The following RBFOX1 variants were observed in gnomAD, a reference collection of about 807,000 sequenced individuals.
RBFOX1 encodes the protein RNA binding protein fox-1 homolog 1.
A neutral mutation model predicts 57.7 loss-of-function variants in RBFOX1; 8 were observed. That is an observed-to-expected ratio of 0.14 (90% CI 0.08 to 0.25). The LOEUF (loss-of-function observed/expected upper bound fraction) is 0.25, where lower values mean the gene tolerates loss of function less well. Among genes scored for constraint, RBFOX1 ranks in the 10% least tolerant of loss-of-function variants. The probability of loss-of-function intolerance (pLI) is 1.00; values close to 1 mark genes in which losing one functional copy is unlikely to be tolerated. For synonymous variants in RBFOX1, 326 were observed against 222.4 expected (o/e 1.47, Z -4.15); for missense variants, 611 against 548.5 (o/e 1.11, Z -1.14).
At chr16:7,392,010 C>G (rs757371049) in intron 4 of RBFOX1, among the ~76,000 whole-genome samples, 22 of 152,234 alleles carry the variant, frequency 1.4e-4, no homozygotes, top group Non-Finnish European at 2.6e-4. Flanking sequence ...TCCTTCCCCT[C>G]CTGCCTTTTG....
rs56225521 is a variant in RBFOX1 at position 5,536,099 on chromosome 16, C to CCA, written c.259-62802_259-62801insAC. On this transcript the variant is annotated intron_variant, in intron 2 of 2. Transcript: ENST00000585867. ...GAGAAGTCCCCAAGTCATCAAGCCC[C>CCA]CCCCCCCTTTTTTTTCTTTTTTATT... 1.2e-4 allele frequency among the ~76,000 whole-genome samples: 17 copies of CCA among 146,870 alleles called. 1 individual carries two copies. The highest frequency in any genetic ancestry group is 1.0e-3 in the East Asian group (5 of 4,968).
intron 2 of RBFOX1, among the ~76,000 whole-genome samples, chr16:6,420,829 T>C (rs1482586237): frequency 6.6e-6 from 1 of 152,186 alleles, no homozygotes; most frequent in Non-Finnish European, 1.5e-5. Flanking sequence ...TATTTGGCAC[T>C]CTCTGAGTGC....
intron 3 of RBFOX1, among the ~76,000 whole-genome samples, chr16:5,729,244 G>C (rs1597000261): frequency 6.6e-6 from 1 of 152,286 alleles, no homozygotes; most frequent in East Asian, 1.9e-4. Flanking sequence ...TGAACATGGA[G>C]ATGCTTCATA....
chr16:6,387,238 C>G (rs2092341630), intron 2 of RBFOX1, among the ~76,000 whole-genome samples: 1 of 152,158 alleles, frequency 6.6e-6, no homozygotes, highest in Admixed American at 6.5e-5. Context: ...TCACATCACT[C>G]ACCTCCTGTA....
intron 3 of RBFOX1, among the ~76,000 whole-genome samples, chr16:6,997,683 A>T (rs2092385734): frequency 6.6e-6 from 1 of 152,180 alleles, no homozygotes; most frequent in Non-Finnish European, 1.5e-5. Flanking sequence ...CTTGAAACTG[A>T]ACAGAAGAAA....
At chr16:6,872,316 C>G (rs2061065935) in intron 3 of RBFOX1, among the ~76,000 whole-genome samples, 1 of 152,094 alleles carries the variant, frequency 6.6e-6, no homozygotes, top group African/African-American at 2.4e-5. Flanking sequence ...CAGTCTGTCT[C>G]CCTCTCTTCC....
chr16:7,160,996 T>C (rs2078213496), intron 4 of RBFOX1, among the ~76,000 whole-genome samples: 1 of 152,226 alleles, frequency 6.6e-6, no homozygotes, highest in African/African-American at 2.4e-5. Flanking sequence ...GCTAACCCTT[T>C]ATTTTCTCTT....
intron 3 of RBFOX1, among the ~76,000 whole-genome samples, chr16:6,808,207 T>C (rs1196059867): frequency 6.6e-6 from 1 of 150,964 alleles, no homozygotes; most frequent in South Asian, 2.1e-4. Flanking sequence ...TATAGTTCTA[T>C]TGAAGTATGC....
chr16:6,914,574 A>C (rs1488727453), intron 3 of RBFOX1, among the ~76,000 whole-genome samples: 5 of 149,394 alleles, frequency 3.3e-5, no homozygotes, highest in South Asian at 2.1e-4. Context: ...AAAAAAAAAA[A>C]CCCAAAACAG....
intron 3 of RBFOX1, among the ~76,000 whole-genome samples, chr16:7,002,463 C>T (rs569460544): frequency 6.6e-6 from 1 of 152,170 alleles, no homozygotes; most frequent in Non-Finnish European, 1.5e-5. Context: ...GTCTGTAATT[C>T]CAGCACTTGG....
intron 4 of RBFOX1, among the ~76,000 whole-genome samples, chr16:7,386,580 A>T (rs1227919134): frequency 6.6e-6 from 1 of 152,120 alleles, no homozygotes; most frequent in Non-Finnish European, 1.5e-5. Flanking sequence ...GCTGCATAGT[A>T]TTCCATGGTG....
intron 3 of RBFOX1, among the ~76,000 whole-genome samples, chr16:6,838,628 C>T (rs1029580249): frequency 1.3e-5 from 2 of 152,162 alleles, no homozygotes; most frequent in Admixed American, 6.5e-5. Flanking sequence ...GTAAAAGTTG[C>T]TGTCTAACAC....
At chr16:6,450,800 T>TACAC (rs1567303129) in intron 2 of RBFOX1, among the ~76,000 whole-genome samples, 1 of 14,792 alleles carries the variant, frequency 6.8e-5, no homozygotes, top group East Asian at 7.6e-3. Context: ...CATATATATA[T>TACAC]GTATATATAT....
At chr16:6,972,496 C>T (rs570619658) in intron 3 of RBFOX1, among the ~76,000 whole-genome samples, 7 of 152,124 alleles carry the variant, frequency 4.6e-5, no homozygotes, top group South Asian at 2.1e-4. Flanking sequence ...TGTCAGTGGA[C>T]ATTTGGGTTG....
chr16:5,963,641 A>T (rs1049114527), intron 4 of RBFOX1, among the ~76,000 whole-genome samples: 8 of 152,238 alleles, frequency 5.3e-5, no homozygotes, highest in African/African-American at 7.2e-5. Context: ...AAGGGTGACA[A>T]GAACCTGCAA....
intron 4 of RBFOX1, among the ~76,000 whole-genome samples, chr16:5,978,926 A>T (rs940855382): frequency 5.9e-5 from 9 of 152,162 alleles, no homozygotes; most frequent in African/African-American, 2.2e-4. Context: ...CAGCTTCTCC[A>T]TTGTGAAGTC....
intron 4 of RBFOX1, among the ~76,000 whole-genome samples, chr16:7,372,727 T>C (rs2097591263): frequency 6.6e-6 from 1 of 151,850 alleles, no homozygotes; most frequent in African/African-American, 2.4e-5. Flanking sequence ...TACAGAAAAT[T>C]TTTGAATCAA....
At chr16:5,674,999 A>G (rs1001539954) in intron 3 of RBFOX1, among the ~76,000 whole-genome samples, 4 of 152,186 alleles carry the variant, frequency 2.6e-5, no homozygotes, top group Non-Finnish European at 4.4e-5. Context: ...ATTTTAAAAA[A>G]TTAGCCAGCC....
intron 13 of RBFOX1, among the ~76,000 whole-genome samples, chr16:7,675,505 A>T (rs2073014142): frequency 6.6e-6 from 1 of 152,218 alleles, no homozygotes; most frequent in African/African-American, 2.4e-5. Flanking sequence ...TAAACTTTAA[A>T]AGATAAACTC....
Sources: allele counts gnomAD v4.1 joint callset (sites outside exome capture counted in the v4.1 genomes callset), GRCh38; gene constraint gnomAD v4.1.1; transcripts MANE v1.5; gene names NCBI Gene and HGNC (gene_info 2026-07-23, HGNC 2026-07-21).